Variants in AFAP1 observed in about 807,000 individuals in gnomAD.
The protein encoded by AFAP1 is actin filament associated protein 1.
Under a neutral mutation model 93.9 loss-of-function variants are expected in AFAP1, and 75 were observed. The observed-to-expected ratio is 0.80, with a 90% CI of 0.66 to 0.97. The LOEUF is 0.97. Ranked by LOEUF, AFAP1 falls within the 50% of genes least tolerant of loss-of-function variation. The pLI, the probability that AFAP1 is intolerant of heterozygous loss-of-function variation, is 0.00. For missense variants in AFAP1, 1,201 were observed against 1,050.8 expected (o/e 1.14, Z -1.98); for synonymous variants, 517 against 430.7 (o/e 1.20, Z -2.48).
intron 17 of AFAP1, among the ~76,000 whole-genome samples, chr4:7,766,561 G>A (rs539443992): frequency 2.5e-5 from 3 of 119,898 alleles, no homozygotes; most frequent in East Asian, 5.3e-4. Context: ...ACTGTGTCAC[G>A]GGAGGGAAAC....
intron 1 of AFAP1, among the ~76,000 whole-genome samples, chr4:7,936,333 T>C (rs1488648431): frequency 6.6e-6 from 1 of 152,030 alleles, no homozygotes; most frequent in East Asian, 1.9e-4. Context: ...TATTTACCTT[T>C]TTATTTTTTA....
In AFAP1 at chr4:7,763,580, G is replaced by A. The variant is rs917475819; in HGVS notation, c.*185C>T. 3.8e-5 allele frequency: 22 copies of A among 581,884 alleles called. No individual in the cohort carries two copies. Among genetic ancestry groups the A allele is most frequent in the South Asian group, 9.7e-5 (3 of 30,984 alleles). 36.0% of individuals were successfully genotyped at this position (581,884 alleles called of 1,614,324 possible). ...AAAGTCTTACATCTTTTTTAAAGGC[G>A]CCATTTTACAGTAGAAAGAATACAA... On this transcript the variant is annotated 3_prime_UTR_variant, in exon 18 of 18. Transcript: ENST00000420658.
intron 12 of AFAP1, among the ~76,000 whole-genome samples, chr4:7,785,012 T>G (rs6814265): frequency 0.055 from 8,315 of 152,248 alleles, 775 homozygotes; most frequent in African/African-American, 0.19. Flanking sequence ...TATGTCTACC[T>G]TTGAAAATTA....
intron 14 of AFAP1, chr4:7,777,331 T>A (rs1716239308): frequency 6.6e-6 from 1 of 152,258 alleles, no homozygotes; most frequent in Non-Finnish European, 1.5e-5. Context: ...CCAACCTATC[T>A]GGTCAACACG....
intron 1 of AFAP1, among the ~76,000 whole-genome samples, chr4:7,908,740 A>G (rs1243160566): frequency 6.6e-6 from 1 of 152,236 alleles, no homozygotes; most frequent in Non-Finnish European, 1.5e-5. Flanking sequence ...GAGAGCTAAG[A>G]AAAGGACAGG....
chr4:7,874,530 A>AT (rs71175435), intron 1 of AFAP1, among the ~76,000 whole-genome samples: 7,719 of 50,970 alleles, frequency 0.15, 1,254 homozygotes, highest in East Asian at 0.22. Context: ...TGCCCAGCTA[A>AT]TTTTTTTTTT....
At chr4:7,847,903 T>C (rs1401554635) in intron 4 of AFAP1, among the ~76,000 whole-genome samples, 3 of 151,838 alleles carry the variant, frequency 2.0e-5, no homozygotes, top group African/African-American at 7.3e-5. Context: ...GTGTGAACTC[T>C]GTTGAAAGGA....
chr4:7,886,248 GC>G (rs1718134487), intron 1 of AFAP1, among the ~76,000 whole-genome samples: 1 of 152,156 alleles, frequency 6.6e-6, no homozygotes, highest in Admixed American at 6.5e-5. Context: ...ACAGTTATGT[GC>G]CTACCAAGGC....
rs1716364187 is a variant in AFAP1, at chr4:7,778,314, G to A, written c.1897+448C>T. 1.3e-5 allele frequency: 3 copies of A among 235,816 alleles called. No homozygotes were observed. In the South Asian group the frequency reaches 1.6e-4, roughly 13 times the overall value. 14.6% of individuals were successfully genotyped at this position (235,816 alleles called of 1,614,324 possible). A position where few individuals can be genotyped will look rare whatever the true frequency, so the allele number is the denominator to read the frequency against. On this transcript the variant is annotated intron_variant, in intron 14 of 17. Coordinates refer to ENST00000420658, the MANE Select transcript of AFAP1 (RefSeq NM_001134647.2). ...AACTCCTCATACTGCTCTAGTGCTT[G>A]GAGGTCCGTGTATTACCTCAGCTAT...
At chr4:7,823,523 C>A (rs1422532462) in intron 6 of AFAP1, among the ~76,000 whole-genome samples, 1 of 152,156 alleles carries the variant, frequency 6.6e-6, no homozygotes, top group Admixed American at 6.6e-5. Flanking sequence ...AACACACACA[C>A]CCTGGCTAAG....
At chr4:7,763,832 G>C (rs1714152070) in intron 17 of AFAP1, 41 bp from the exon 18 acceptor site, 5 of 1,550,394 alleles carry the variant, frequency 3.2e-6, no homozygotes, top group Non-Finnish European at 4.4e-6. Flanking sequence ...AGGGCAAGAG[G>C]ATCAGGCTGG....
intron 13 of AFAP1, 59 bp downstream of exon 13, chr4:7,781,317 C>A: frequency 6.5e-7 from 1 of 1,531,494 alleles, no homozygotes; most frequent in South Asian, 1.2e-5. Flanking sequence ...TTGCAAAACT[C>A]TGTTGGAGCA....
intron 7 of AFAP1, among the ~76,000 whole-genome samples, chr4:7,817,711 G>C (rs1720603747): frequency 1.3e-5 from 2 of 151,590 alleles, no homozygotes; most frequent in African/African-American, 4.9e-5. Context: ...AAAAATGTTT[G>C]TGGCTTAAGA....
intron 9 of AFAP1, among the ~76,000 whole-genome samples, chr4:7,808,005 C>G (rs1719678578): frequency 6.6e-6 from 1 of 152,154 alleles, no homozygotes; most frequent in Non-Finnish European, 1.5e-5. Flanking sequence ...GGGGCAGGAA[C>G]TAAATGAGGT....
At chr4:7,847,081 AG>A (rs1713790616) in intron 4 of AFAP1, among the ~76,000 whole-genome samples, 2 of 152,246 alleles carry the variant, frequency 1.3e-5, no homozygotes, top group Non-Finnish European at 1.5e-5. Flanking sequence ...CAGCCAACTT[AG>A]CAGCAAACAA....
intron 1 of AFAP1, among the ~76,000 whole-genome samples, chr4:7,902,400 C>T (rs1719166973): frequency 6.6e-6 from 1 of 152,186 alleles, no homozygotes; most frequent in Non-Finnish European, 1.5e-5. Flanking sequence ...TAATTATCAG[C>T]CCACAATGGC....
At chr4:7,838,746 C>G (rs552983965) in intron 5 of AFAP1, 43 bp from the exon 6 acceptor site, 1 of 1,592,144 alleles carries the variant, frequency 6.3e-7, no homozygotes, top group Non-Finnish European at 8.6e-7. Flanking sequence ...TAAGGGAGTT[C>G]GAACAGAAAC....
chr4:7,828,886 C>T (rs535844237), intron 6 of AFAP1, among the ~76,000 whole-genome samples: 1 of 152,188 alleles, frequency 6.6e-6, no homozygotes, highest in Admixed American at 6.5e-5. Context: ...TTAGCTGTGT[C>T]CCCACCCAAG....
chr4:7,871,261 G>A (rs1217183643), intron 2 of AFAP1, among the ~76,000 whole-genome samples: 1 of 152,208 alleles, frequency 6.6e-6, no homozygotes, highest in Non-Finnish European at 1.5e-5. Context: ...GCTGGCCTCT[G>A]GGAACGTGGA....
Sources: allele counts gnomAD v4.1 joint callset (sites outside exome capture counted in the v4.1 genomes callset), GRCh38; gene constraint gnomAD v4.1.1; transcripts MANE v1.5; gene names NCBI Gene and HGNC (gene_info 2026-07-23, HGNC 2026-07-21).